Variants in IMMP2L observed in about 807,000 individuals in gnomAD.
The protein encoded by IMMP2L is mitochondrial inner membrane protease subunit 2.
In IMMP2L, 18 loss-of-function variants were observed where a neutral mutation model predicts 19.3. The ratio of observed to expected loss-of-function variants is 0.93; its 90% CI spans 0.64 to 1.38. The LOEUF (loss-of-function observed/expected upper bound fraction) is 1.38. Among genes scored for constraint, IMMP2L ranks in the 40% most tolerant of loss-of-function variants. IMMP2L has a pLI of 0.00. For missense variants in IMMP2L, 233 were observed against 218.2 expected (o/e 1.07, Z -0.43); for synonymous variants, 76 against 73.0 (o/e 1.04, Z -0.21).
chr7:111,072,865 T>G (rs571793204), intron 3 of IMMP2L, among the ~76,000 whole-genome samples: 2 of 144,662 alleles, frequency 1.4e-5, no homozygotes, highest in Non-Finnish European at 3.0e-5. Flanking sequence ...ATTGCACCAC[T>G]GCATTCCAGC....
chr7:111,207,534 GTTTTTTT>G (rs376864629), intron 3 of IMMP2L, among the ~76,000 whole-genome samples: 14 of 90,108 alleles, frequency 1.6e-4, no homozygotes, highest in South Asian at 5.1e-4. Context: ...TTTATTTTTG[GTTTTTTT>G]TTTTTTTTTT....
chr7:111,532,395 G>C (rs1400942513), intron 1 of IMMP2L: 1 of 152,078 alleles, frequency 6.6e-6, no homozygotes, highest in Admixed American at 6.6e-5. Context: ...TAAAGAACAT[G>C]GTTTCTGGGT....
At chr7:111,169,478 T>G (rs1806196443) in intron 3 of IMMP2L, among the ~76,000 whole-genome samples, 1 of 151,888 alleles carries the variant, frequency 6.6e-6, no homozygotes, top group African/African-American at 2.4e-5. Context: ...GTTGGTTTCT[T>G]CTGAAACTAG....
chr7:111,555,843 G>C (rs549252281), intron 1 of IMMP2L, among the ~76,000 whole-genome samples: 54 of 151,488 alleles, frequency 3.6e-4, no homozygotes, highest in African/African-American at 1.3e-3. Context: ...CATCAAGATG[G>C]CTACTACCAA....
At chr7:110,762,097 A>T (rs1336970738) in intron 5 of IMMP2L, among the ~76,000 whole-genome samples, 1 of 152,102 alleles carries the variant, frequency 6.6e-6, no homozygotes. Flanking sequence ...ATATTTTAAC[A>T]GCTATTTTAA....
chr7:111,525,755 T>C lies in IMMP2L; in HGVS notation c.-2-4306A>G, dbSNP rs144188997. On this transcript the variant is annotated intron_variant, in intron 1 of 5. Coordinates refer to ENST00000405709, the MANE Select transcript of IMMP2L (RefSeq NM_032549.4). ...TTCTCTTGAATTACATGTCAAAATA[T>C]TTAATACTAAAATTATGCTCATAAT... Among the ~76,000 whole-genome samples, 323 of 152,240 alleles carry C rather than the reference T, an allele frequency of 2.1e-3. 3 individuals are homozygous for C. The highest frequency in any genetic ancestry group is 7.4e-3 in the African/African-American group (307 of 41,550).
At chr7:110,732,089 A>C (rs895134796) in intron 5 of IMMP2L, among the ~76,000 whole-genome samples, 4 of 152,164 alleles carry the variant, frequency 2.6e-5, no homozygotes, top group Admixed American at 2.0e-4. Context: ...GGGTTGGAGA[A>C]ACTGTACTGG....
chr7:111,408,588 T>A (rs951854984), intron 3 of IMMP2L, among the ~76,000 whole-genome samples: 1 of 151,774 alleles, frequency 6.6e-6, no homozygotes, highest in African/African-American at 2.4e-5. Context: ...CAAGATGAGA[T>A]GACAGTGTGT....
At chr7:111,399,770 T>C (rs920741548) in intron 3 of IMMP2L, among the ~76,000 whole-genome samples, 1 of 152,098 alleles carries the variant, frequency 6.6e-6, no homozygotes, top group African/African-American at 2.4e-5. Flanking sequence ...GTATATCCTA[T>C]CATTTAAACA....
At position 111,161,751 on chromosome 7, in the gene IMMP2L, C is replaced by T. The variant is rs987749559; in HGVS notation, c.240-198186G>A. Among the ~76,000 whole-genome samples the T allele has an allele frequency of 4.0e-5, 6 of 151,832 alleles. No homozygotes were observed. The South Asian group carries it at 6.2e-4, about 16-fold the overall frequency. ...AATACCAATTTGCTCAAAATAGTAG[C>T]GAACAGACTTCAGGACATTCATTAT... On this transcript the variant is annotated intron_variant, in intron 3 of 5. Coordinates refer to ENST00000405709, the MANE Select transcript of IMMP2L (RefSeq NM_032549.4).
chr7:110,749,159 T>C (rs1175034099), intron 5 of IMMP2L, among the ~76,000 whole-genome samples: 4 of 152,196 alleles, frequency 2.6e-5, no homozygotes, highest in African/African-American at 9.7e-5. Flanking sequence ...TCATCATCAC[T>C]GGTCATTAGA....
At chr7:110,932,498 C>T (rs572761530) in intron 4 of IMMP2L, among the ~76,000 whole-genome samples, 5 of 152,154 alleles carry the variant, frequency 3.3e-5, no homozygotes, top group South Asian at 4.2e-4. Context: ...GGACTACAGG[C>T]GCCCACTACC....
intron 5 of IMMP2L, among the ~76,000 whole-genome samples, chr7:110,722,175 T>C (rs1795615522): frequency 6.6e-6 from 1 of 151,934 alleles, no homozygotes; most frequent in Non-Finnish European, 1.5e-5. Flanking sequence ...AAAAGCAGAA[T>C]AGGGTGGGGA....
intron 3 of IMMP2L, among the ~76,000 whole-genome samples, chr7:111,257,932 G>GC (rs1269672156): frequency 6.7e-6 from 1 of 149,782 alleles, no homozygotes; most frequent in South Asian, 2.1e-4. Flanking sequence ...CCCTCCCCCA[G>GC]CCCCCCAGCC....
At chr7:111,044,882 A>G (rs1792246811) in intron 3 of IMMP2L, among the ~76,000 whole-genome samples, 1 of 152,370 alleles carries the variant, frequency 6.6e-6, no homozygotes, top group African/African-American at 2.4e-5. Flanking sequence ...CTATTTGATT[A>G]TAATTTATTT....
At chr7:111,374,455 G>A (rs779258075) in intron 3 of IMMP2L, among the ~76,000 whole-genome samples, 3 of 151,832 alleles carry the variant, frequency 2.0e-5, no homozygotes, top group Non-Finnish European at 2.9e-5. Context: ...ACCAAAATTA[G>A]GAAAAAGAAA....
intron 3 of IMMP2L, among the ~76,000 whole-genome samples, chr7:111,226,956 T>C (rs1163579370): frequency 6.6e-6 from 1 of 152,038 alleles, no homozygotes; most frequent in Non-Finnish European, 1.5e-5. Context: ...AAGACAAGAC[T>C]GGAAATGCCA....
intron 5 of IMMP2L, among the ~76,000 whole-genome samples, chr7:110,777,638 T>C (rs1383622311): frequency 6.6e-6 from 1 of 152,028 alleles, no homozygotes; most frequent in Admixed American, 6.6e-5. Context: ...CTTCATTCTA[T>C]AAATATGTTT....
At chr7:110,970,989 A>C (rs1357845424) in intron 3 of IMMP2L, among the ~76,000 whole-genome samples, 2 of 152,140 alleles carry the variant, frequency 1.3e-5, no homozygotes, top group African/African-American at 4.8e-5. Context: ...ACACCCTGAA[A>C]GAGCAAGCTA....
Sources: allele counts gnomAD v4.1 joint callset (sites outside exome capture counted in the v4.1 genomes callset), GRCh38; gene constraint gnomAD v4.1.1; transcripts MANE v1.5; gene names NCBI Gene and HGNC (gene_info 2026-07-23, HGNC 2026-07-21).